Variants in PLCD4 observed in about 807,000 individuals in gnomAD.
The protein encoded by PLCD4 is phospholipase C delta 4.
A neutral mutation model predicts 90.2 loss-of-function variants in PLCD4; 63 were observed. That is an observed-to-expected ratio of 0.70 (90% confidence interval 0.57 to 0.86). PLCD4 has a LOEUF of 0.86. Ranked by LOEUF, PLCD4 falls within the 40% of genes least tolerant of loss-of-function variation. The probability of loss-of-function intolerance (pLI) is 0.00; values close to 1 mark genes in which losing one functional copy is unlikely to be tolerated. For missense variants in PLCD4, 830 were observed against 956.3 expected (o/e 0.87, Z 1.74); for synonymous variants, 294 against 356.5 (o/e 0.82, Z 1.97).
rs1178922921 is a variant in PLCD4, at chr2:218,630,663, C to G, written c.1133C>G (p.Pro378Arg). 3.1e-6 allele frequency: 5 copies of G among 1,613,884 alleles called. No individual in the cohort carries two copies. Among genetic ancestry groups the G allele is most frequent in the Non-Finnish European group, 4.2e-6 (5 of 1,179,890 alleles). Reference protein sequence around the residue: ...AQYAFQTSDYPVILSLETHCS... With the variant: ...AQYAFQTSDYRVILSLETHCS... The stretch of plus-strand genomic sequence containing the variant: ...CCTCACCACCAGACATCAGACTACC[C>G]AGTCATCTTGTCCCTGGAGACCCAC... Residue 378 changes from proline (P) to arginine (R), a missense_variant, in exon 9 of 16, where the codon CCA becomes CGA. Pro to Arg is a moderately radical substitution (Grantham distance 103, BLOSUM62 -2). Transcript: ENST00000450993.
chr2:218,630,083 A>G (rs1696294832), intron 8 of PLCD4, among the ~76,000 whole-genome samples: 1 of 152,232 alleles, frequency 6.6e-6, no homozygotes, highest in South Asian at 2.1e-4. Flanking sequence ...TGGCTGAAGC[A>G]GGACAATCCT....
In PLCD4 at chr2:218,634,618, T is replaced by C. The variant is rs1249064332; in HGVS notation, c.1884T>C (p.Thr628=). The C allele has an allele frequency of 2.5e-6, 4 of 1,613,736 alleles. No individual in the cohort carries two copies. Among genetic ancestry groups the C allele is most frequent in the Non-Finnish European group, 3.4e-6 (4 of 1,179,800 alleles). The change falls in exon 13 of 16, where the codon ACT becomes ACC. Residue 628 remains threonine (T), a synonymous_variant. Transcript: ENST00000450993. The surrounding 1 kb of genome is among the most constrained non-coding windows in gnomAD (Gnocchi z 4.0). ...CCATCAGCCCTTTCAAAGCCCAGAC[T>C]CTCTTAATCCAGGTACAGTGGAAAT... is the stretch of plus-strand genomic sequence containing the variant. The part of the protein sequence containing the change: ...EKPISPFKAQ[T]LLIQVISGQQ...
chr2:218,618,990 G>A, intron 4 of PLCD4, 183 bp downstream of exon 4: 1 of 604,418 alleles, frequency 1.7e-6, no homozygotes, highest in South Asian at 2.1e-5. Flanking sequence ...AGGAATGGAT[G>A]CCAAGGATCA....
In PLCD4 at chr2:218,634,502, G is replaced by A. The variant is rs1447981679; in HGVS notation, c.1768G>A (p.Asp590Asn). 6.2e-7 allele frequency: 1 copy of A among 1,614,086 alleles called. No individual in the cohort carries two copies. The highest frequency in any genetic ancestry group is 8.5e-7 in the Non-Finnish European group (1 of 1,179,904). The change falls in exon 13 of 16, where the codon GAT becomes AAT. Residue 590 changes from aspartate (D) to asparagine (N), a missense_variant. Transcript: ENST00000450993. This position sits in a 1 kb window ranked among gnomAD's most constrained non-coding sequence, Gnocchi z 4.0. ...TGCAGGGCTTGAAATGGACATCTGT[G>A]ATGGGCATTTCCGCCAGAATGGCGG... Reference protein sequence around the residue: ...QTAGLEMDICDGHFRQNGGCG... With the variant: ...QTAGLEMDICNGHFRQNGGCG...
At chr2:218,628,313 T>G in intron 7 of PLCD4, 83 bp downstream of exon 7, 2 of 1,384,830 alleles carry the variant, frequency 1.4e-6, no homozygotes, top group Non-Finnish European at 2.0e-6. Context: ...TCTAACAGAT[T>G]GGGACAGTGT....
Position 218,635,776 on chromosome 2 carries a change from T to C in PLCD4, c.1897-20T>C. ...CTGGGCTGAGCAGGAACTTGTGAGA[T>C]TCCAGAGCCCTGACTACAGGTGATC... is the stretch of plus-strand genomic sequence containing the variant. On this transcript the variant is annotated intron_variant, in intron 13 of 15. Coordinates refer to ENST00000450993, the MANE Select transcript of PLCD4 (RefSeq NM_032726.4). 6.2e-7 allele frequency: 1 copy of C among 1,607,856 alleles called. No individual in the cohort carries two copies. Among genetic ancestry groups the C allele is most frequent in the Non-Finnish European group, 8.5e-7 (1 of 1,177,178 alleles).
At chr2:218,635,089 T>TCC (rs989274167) in intron 13 of PLCD4, among the ~76,000 whole-genome samples, 7 of 151,542 alleles carry the variant, frequency 4.6e-5, no homozygotes, top group African/African-American at 1.7e-4. Context: ...TTGTAGAGAC[T>TCC]CCCGTCTCTA....
chr2:218,615,609 A>G (rs1695540213), intron 1 of PLCD4, 98 bp from the exon 2 acceptor site: 1 of 960,858 alleles, frequency 1.0e-6, no homozygotes, highest in African/African-American at 1.6e-5. Flanking sequence ...ACCTATCTAA[A>G]GTGTCAGAGT....
Position 218,635,907 on chromosome 2 carries a change from G to C in PLCD4, c.2008G>C (p.Glu670Gln). ...CGTTCGTCTAGACACAGCACGGCAG[G>C]AGACCAACTATGTGGAGAACAATGG... ...FGVRLDTARQ[E>Q]TNYVENNGFN... Residue 670 changes from glutamate to glutamine, a missense_variant, in exon 14 of 16, where the codon GAG (glutamate) becomes CAG (glutamine). By Grantham distance (29) the Glu-to-Gln change is conservative (BLOSUM62 2). Transcript: ENST00000450993. The C allele has an allele frequency of 1.2e-6, 2 of 1,614,038 alleles. No individual in the cohort carries two copies. Among genetic ancestry groups the C allele is most frequent in the Admixed American group, 3.3e-5 (2 of 60,024 alleles).
chr2:218,622,545 C>A, intron 5 of PLCD4, 102 bp from the exon 6 acceptor site: 1 of 653,160 alleles, frequency 1.5e-6, no homozygotes, highest in Non-Finnish European at 2.5e-6. Context: ...ATATATACAC[C>A]TACTATGTAC....
intron 13 of PLCD4, 128 bp from the exon 14 acceptor site, chr2:218,635,668 A>G: frequency 2.3e-6 from 3 of 1,311,424 alleles, no homozygotes; most frequent in Non-Finnish European, 3.1e-6. Context: ...AGAATACTAG[A>G]AGAAAATATA....
chr2:218,623,138 C>G (rs1695957450), intron 6 of PLCD4, among the ~76,000 whole-genome samples: 1 of 152,196 alleles, frequency 6.6e-6, no homozygotes, highest in Admixed American at 6.5e-5. Flanking sequence ...CTCCATTATG[C>G]TCATGTTTCC....
rs1004722200 is a variant in PLCD4, at chr2:218,629,743, G to A, written c.1119+80G>A. On this transcript the variant is annotated intron_variant, in intron 8 of 15. Transcript: ENST00000450993. ...GACTGGCTCTGGGTCTGGGGAGGGT[G>A]GAGGAGTACAGGGGAAGTTCCATCA... 2.4e-5 allele frequency: 36 copies of A among 1,495,614 alleles called. No homozygotes were observed. The Admixed American group carries it at 5.4e-4, about 22-fold the overall frequency. The allele number at this position is 1,495,614 out of a possible 1,614,324, so 92.6% of individuals were successfully genotyped here.
chr2:218,627,203 G>A (rs1289481692), intron 6 of PLCD4, among the ~76,000 whole-genome samples: 1 of 151,782 alleles, frequency 6.6e-6, no homozygotes, highest in Non-Finnish European at 1.5e-5. Context: ...GGAGCTTGCA[G>A]TGAGCAGAGA....
intron 1 of PLCD4, among the ~76,000 whole-genome samples, chr2:218,612,726 G>A (rs539652135): frequency 1.3e-5 from 2 of 152,098 alleles, no homozygotes; most frequent in East Asian, 3.9e-4. Context: ...GAGCTGAGAT[G>A]GTGCCATTGC....
At chr2:218,625,920 C>T (rs200106742) in intron 6 of PLCD4, among the ~76,000 whole-genome samples, 3 of 151,710 alleles carry the variant, frequency 2.0e-5, no homozygotes, top group East Asian at 1.9e-4. Context: ...GGTGACAGAG[C>T]GAGACTCCAT....
chr2:218,627,134 G>A (rs1221393812), intron 6 of PLCD4, among the ~76,000 whole-genome samples: 6 of 151,408 alleles, frequency 4.0e-5, no homozygotes, highest in Non-Finnish European at 8.8e-5. Context: ...AGTGGGGGGC[G>A]CCTGTAGTCC....
At chr2:218,618,026 G>A (rs766650283) in intron 3 of PLCD4, among the ~76,000 whole-genome samples, 1 of 151,928 alleles carries the variant, frequency 6.6e-6, no homozygotes, top group Non-Finnish European at 1.5e-5. Flanking sequence ...GGTGGAGCTT[G>A]CAGTGAGCCG....
rs533489290 is a variant in PLCD4, at chr2:218,614,341, CAG to C, written c.-33-1365_-33-1364del. On this transcript the variant is annotated intron_variant, in intron 1 of 15. Coordinates refer to ENST00000450993, the MANE Select transcript of PLCD4 (RefSeq NM_032726.4). Reference sequence around the variant, plus strand: ...GCCTTTTGTATTTTTTTAGTAGAGACAGGGTTTCACTGTGTTAGCCAGGATGG... The same window carrying C: ...GCCTTTTGTATTTTTTTAGTAGAGACGGTTTCACTGTGTTAGCCAGGATGG... Among the ~76,000 whole-genome samples, 234 of 150,496 alleles carry C rather than the reference CAG, an allele frequency of 1.6e-3. 2 individuals are homozygous for C. Among genetic ancestry groups the C allele is most frequent in the African/African-American group, 5.4e-3 (221 of 41,044 alleles).
Sources: allele counts gnomAD v4.1 joint callset (sites outside exome capture counted in the v4.1 genomes callset), GRCh38; gene constraint gnomAD v4.1.1; non-coding constraint Gnocchi (gnomAD v3.1); transcripts MANE v1.5; gene names NCBI Gene and HGNC (gene_info 2026-07-23, HGNC 2026-07-21).